Variants in CFAP95 observed in about 807,000 individuals in gnomAD.
The protein encoded by CFAP95 is cilia and flagella associated protein 95, also known as cilia- and flagella-associated protein 95.
the CFAP95 span, among the ~76,000 whole-genome samples, chr9:69,828,405 A>C: frequency 1.3e-5 from 2 of 152,248 alleles, no homozygotes; most frequent in African/African-American, 4.8e-5. Context: ...GGTTGGGCAC[A>C]GTAGCTCACT....
chr9:69,847,841 G>A, the CFAP95 span, among the ~76,000 whole-genome samples: 2 of 152,168 alleles, frequency 1.3e-5, no homozygotes, highest in Non-Finnish European at 2.9e-5. Flanking sequence ...GAGCTAATAT[G>A]AGCATCATTT....
the CFAP95 span, among the ~76,000 whole-genome samples, chr9:69,836,653 G>T: frequency 6.7e-6 from 1 of 148,944 alleles, no homozygotes. Flanking sequence ...TTCCTATGAG[G>T]GTAAAGACTG....
chr9:69,843,783 G>A, the CFAP95 span, among the ~76,000 whole-genome samples: 3 of 150,916 alleles, frequency 2.0e-5, no homozygotes, highest in African/African-American at 7.3e-5. Flanking sequence ...TGGGACTACA[G>A]GCACATGCCA....
the CFAP95 span, among the ~76,000 whole-genome samples, chr9:69,825,415 G>A: frequency 1.2e-4 from 19 of 152,118 alleles, no homozygotes; most frequent in Non-Finnish European, 2.2e-4. Flanking sequence ...TATAATAGAC[G>A]TGATAAAGTA....
the CFAP95 span, among the ~76,000 whole-genome samples, chr9:69,868,420 G>A: frequency 6.6e-6 from 1 of 152,130 alleles, no homozygotes; most frequent in African/African-American, 2.4e-5. Context: ...CACTTTGGGA[G>A]GCCAAGGGCA....
the CFAP95 span, among the ~76,000 whole-genome samples, chr9:69,876,899 T>A: frequency 4.6e-5 from 7 of 152,196 alleles, no homozygotes; most frequent in Non-Finnish European, 8.8e-5. Context: ...CCTCCCAAAG[T>A]GTTGGGATTA....
chr9:69,837,058 A>G, the CFAP95 span, among the ~76,000 whole-genome samples: 31 of 151,014 alleles, frequency 2.1e-4, no homozygotes, highest in African/African-American at 7.5e-4. Flanking sequence ...AAGGACATGA[A>G]CTCATCATTT....
At chr9:69,825,858 G>A in the CFAP95 span, among the ~76,000 whole-genome samples, 342 of 152,184 alleles carry the variant, frequency 2.2e-3, 1 homozygote, top group African/African-American at 7.6e-3. Context: ...AAATTCATTG[G>A]GATCTCCATG....
chr9:69,881,621 G>T, the CFAP95 span, among the ~76,000 whole-genome samples: 8 of 151,964 alleles, frequency 5.3e-5, no homozygotes, highest in African/African-American at 1.9e-4. Context: ...TTGTTCTTTT[G>T]GCTCAGGATA....
At chr9:69,879,298 T>G in the CFAP95 span, among the ~76,000 whole-genome samples, 10 of 152,312 alleles carry the variant, frequency 6.6e-5, no homozygotes, top group South Asian at 2.1e-3. Flanking sequence ...TCAATTTCCT[T>G]TGGTTAATAT....
the CFAP95 span, among the ~76,000 whole-genome samples, chr9:69,887,776 T>C: frequency 6.6e-6 from 1 of 152,234 alleles, no homozygotes; most frequent in East Asian, 1.9e-4. Context: ...GTGCCAGTTC[T>C]AAGCCTAGCT....
chr9:69,830,249 T>C, the CFAP95 span, among the ~76,000 whole-genome samples: 7 of 152,240 alleles, frequency 4.6e-5, no homozygotes, highest in Non-Finnish European at 8.8e-5. Flanking sequence ...TGTCTTTCCC[T>C]GGACCAAGTA....
the CFAP95 span, among the ~76,000 whole-genome samples, chr9:69,861,680 C>CAA: frequency 7.4e-6 from 1 of 134,788 alleles, no homozygotes; most frequent in African/African-American, 2.9e-5. Context: ...CTTCAGTTCC[C>CAA]AAAATTTGTT....
At chr9:69,826,045 G>A in the CFAP95 span, among the ~76,000 whole-genome samples, 1 of 152,176 alleles carries the variant, frequency 6.6e-6, no homozygotes. Context: ...CAGAAAAAAA[G>A]GGAAGAATTA....
At chr9:69,847,699 G>GT in the CFAP95 span, among the ~76,000 whole-genome samples, 1 of 152,120 alleles carries the variant, frequency 6.6e-6, no homozygotes, top group Non-Finnish European at 1.5e-5. Context: ...ATTCCCATCT[G>GT]TTTCCCCTTC....
At chr9:69,832,207 GTC>G in the CFAP95 span, among the ~76,000 whole-genome samples, 4 of 152,192 alleles carry the variant, frequency 2.6e-5, no homozygotes, top group African/African-American at 9.7e-5. Flanking sequence ...ACTGCAAGCA[GTC>G]TCTCAGAGGT....
At chr9:69,831,694 C>T in the CFAP95 span, among the ~76,000 whole-genome samples, 35 of 152,210 alleles carry the variant, frequency 2.3e-4, no homozygotes, top group Admixed American at 1.2e-3. Flanking sequence ...ACCAGGGGAG[C>T]TTTTCAGAGG....
the CFAP95 span, among the ~76,000 whole-genome samples, chr9:69,843,397 C>T: frequency 6.6e-6 from 1 of 150,582 alleles, no homozygotes; most frequent in Admixed American, 6.6e-5. Context: ...AGCCACTTCT[C>T]CTACTTTTTC....
chr9:69,901,562 G>A, the CFAP95 span, among the ~76,000 whole-genome samples: 3 of 150,490 alleles, frequency 2.0e-5, no homozygotes, highest in African/African-American at 7.2e-5. Context: ...GTGTATATGC[G>A]CCACATTTTC....
Sources: allele counts gnomAD v4.1 joint callset (sites outside exome capture counted in the v4.1 genomes callset), GRCh38; gene constraint gnomAD v4.1.1; transcripts MANE v1.5; gene names NCBI Gene and HGNC (gene_info 2026-07-23, HGNC 2026-07-21).